Variants in ARPC2 observed in about 807,000 individuals in gnomAD.
ARPC2 encodes actin related protein 2/3 complex subunit 2.
A neutral mutation model predicts 38.6 loss-of-function variants in ARPC2; 4 were observed. The ratio of observed to expected loss-of-function variants is 0.10; its 90% CI spans 0.05 to 0.24. The LOEUF (loss-of-function observed/expected upper bound fraction) is 0.24, where lower values mean the gene tolerates loss of function less well. Among genes scored for constraint, ARPC2 ranks in the 10% least tolerant of loss-of-function variants. The pLI is 1.00. For missense variants in ARPC2, 229 were observed against 387.3 expected (o/e 0.59, Z 3.43); for synonymous variants, 125 against 140.8 (o/e 0.89, Z 0.79).
chr2:218,254,211 G>A lies in ARPC2; in HGVS notation c.*296G>A, dbSNP rs1014907293. The A allele has an allele frequency of 4.7e-5, 18 of 385,366 alleles. No individual in the cohort carries two copies. Among genetic ancestry groups the A allele is most frequent in the Non-Finnish European group, 6.1e-5 (13 of 213,624 alleles). The allele number at this position is 385,366 out of a possible 1,614,324, so 23.9% of individuals were successfully genotyped here. ...CCCACCCTCTTTTCCAAGCTGTTTC[G>A]CTTTGCAATATATTACTGGTAATGA... On this transcript the variant is annotated 3_prime_UTR_variant, in exon 11 of 11. Transcript: ENST00000315717.
chr2:218,239,765 G>C (rs1245426725), intron 7 of ARPC2, among the ~76,000 whole-genome samples: 1 of 150,866 alleles, frequency 6.6e-6, no homozygotes, highest in Non-Finnish European at 1.5e-5. Context: ...AGCTAATTTT[G>C]TATTTTTAGT....
intron 10 of ARPC2, 109 bp downstream of exon 10, chr2:218,250,030 T>A: frequency 4.2e-6 from 4 of 941,862 alleles, no homozygotes; most frequent in Non-Finnish European, 6.4e-6. Flanking sequence ...TGGCTACATA[T>A]GAGGTCAGCA....
intron 8 of ARPC2, 45 bp from the exon 9 acceptor site, chr2:218,249,319 A>G: frequency 7.1e-7 from 1 of 1,412,152 alleles, no homozygotes; most frequent in Non-Finnish European, 1.0e-6. Context: ...ACCCTTTGGC[A>G]TTTGTGTCGT....
chr2:218,236,526 C>T (rs932689488), intron 5 of ARPC2: 1 of 152,220 alleles, frequency 6.6e-6, no homozygotes, highest in Non-Finnish European at 1.5e-5. Flanking sequence ...GGCGCGGTGG[C>T]TTATGCCTGT....
Position 218,217,538 on chromosome 2 carries a change from C to A in ARPC2, c.68C>A (p.Ala23Asp). The change falls in exon 2 of 11, where the codon GCC (alanine) becomes GAC (aspartate). Residue 23 changes from alanine (A) to aspartate (D), a missense_variant. Physicochemically the swap from Ala to Asp is moderately radical, Grantham distance 126. Transcript: ENST00000315717. ...CTCGCGCTCAAGTTCGAGAACGCGGCCGCCGGGTGAGCGCGCGCCCGGGGC... is the reference window on the plus strand; with the variant it reads ...CTCGCGCTCAAGTTCGAGAACGCGGACGCCGGGTGAGCGCGCGCCCGGGGC... The part of the protein sequence containing the change: ...ETLALKFENA[A>D]AGNKPEAVEV... 11 of 1,612,180 alleles carry A rather than the reference C, an allele frequency of 6.8e-6. No individual in the cohort carries two copies. The highest frequency in any genetic ancestry group is 8.5e-6 in the Non-Finnish European group (10 of 1,179,142).
At position 218,217,516 on chromosome 2, in the gene ARPC2, G is replaced by C. The variant is rs748804018; in HGVS notation, c.46G>C (p.Ala16Pro). 1.2e-6 allele frequency: 2 copies of C among 1,613,746 alleles called. No individual in the cohort carries two copies. The highest frequency in any genetic ancestry group is 1.7e-6 in the Non-Finnish European group (2 of 1,179,848). ...CAACCGCATCATCGAGGAGACGCTC[G>C]CGCTCAAGTTCGAGAACGCGGCCGC... ...VNNRIIEETL[A>P]LKFENAAAGN... The change falls in exon 2 of 11, where the codon GCG becomes CCG. Residue 16 changes from alanine to proline, a missense_variant. This residue lies in a region of ARPC2 where 135 missense variants were observed against 214.1 expected (regional missense o/e 0.63). Transcript: ENST00000315717.
At chr2:218,217,422 C>G (rs1689277042) in intron 1 of ARPC2, 41 bp from the exon 2 acceptor site, 2 of 1,600,142 alleles carry the variant, frequency 1.2e-6, no homozygotes, top group East Asian at 4.5e-5. Context: ...CCTCCCTTAC[C>G]CACCCTCACC....
chr2:218,244,653 A>T (rs1408215634), intron 7 of ARPC2, among the ~76,000 whole-genome samples: 1 of 152,232 alleles, frequency 6.6e-6, no homozygotes, highest in Non-Finnish European at 1.5e-5. Flanking sequence ...TTTGTTGGAG[A>T]TGGTATTAGG....
At chr2:218,217,395 C>T in intron 1 of ARPC2, 68 bp from the exon 2 acceptor site, 2 of 1,480,682 alleles carry the variant, frequency 1.4e-6, no homozygotes, top group Non-Finnish European at 1.9e-6. Context: ...GCAGCAGGGC[C>T]GCTCCCTCCG....
In ARPC2 at chr2:218,228,759, A is replaced by G; in HGVS notation, c.131A>G (p.His44Arg). 1 of 1,604,120 alleles carries G rather than the reference A, an allele frequency of 6.2e-7. No individual in the cohort carries two copies. Among genetic ancestry groups the G allele is most frequent in the Non-Finnish European group, 8.5e-7 (1 of 1,171,156 alleles). Residue 44 changes from histidine (H) to arginine (R), a missense_variant, in exon 4 of 11, where the codon CAT becomes CGT. Coordinates refer to ENST00000315717, the MANE Select transcript of ARPC2 (RefSeq NM_152862.3). ...ACAGATTTCGATGGGGTCCTCTATC[A>G]TATTTCAAATCCTAATGGAGACAAA... Reference protein sequence around the residue: ...TFADFDGVLYHISNPNGDKTK... With the variant: ...TFADFDGVLYRISNPNGDKTK...
intron 7 of ARPC2, 91 bp downstream of exon 7, chr2:218,239,575 A>C: frequency 9.5e-7 from 1 of 1,055,662 alleles, no homozygotes; most frequent in Non-Finnish European, 1.4e-6. Context: ...GAGATCTAGC[A>C]ACTCTACTGA....
rs536839356 is a variant in ARPC2 at position 218,223,690 on chromosome 2, A to G, written c.75-2230A>G. 3.3e-5 allele frequency among the ~76,000 whole-genome samples: 5 copies of G among 152,316 alleles called. No homozygotes were observed. In the East Asian group the frequency reaches 7.7e-4, roughly 23 times the overall value. ...TGAGGCCCGGTGACATTTGAGGAGC[A>G]TTGCCTGTGGTCACATAGCCAATAA... On this transcript the variant is annotated intron_variant, in intron 2 of 10. Transcript: ENST00000315717.
intron 3 of ARPC2, among the ~76,000 whole-genome samples, 183 bp from the exon 4 acceptor site, chr2:218,228,555 A>G (rs2063711): frequency 0.91 from 138,664 of 152,300 alleles, 64,420 homozygotes; most frequent in East Asian, 1. Context: ...GCAAAGAAAC[A>G]AGTGCTCAGC....
intron 2 of ARPC2, among the ~76,000 whole-genome samples, chr2:218,222,218 G>A (rs1689398451): frequency 6.6e-6 from 1 of 152,100 alleles, no homozygotes; most frequent in Non-Finnish European, 1.5e-5. Flanking sequence ...AGTGAGCAGA[G>A]GTGGCACCAC....
rs1023301127 is a variant in ARPC2, at chr2:218,226,100, G to A, written c.109+146G>A. On this transcript the variant is annotated intron_variant, in intron 3 of 10. Coordinates refer to ENST00000315717, the MANE Select transcript of ARPC2 (RefSeq NM_152862.3). ...ACCTGATGTCAAGAGTTAAAGAACA[G>A]CCTGGCAAACATGGTGAAACCCCCT... 2.1e-5 allele frequency: 16 copies of A among 771,432 alleles called. No individual in the cohort carries two copies. The South Asian group carries it at 2.1e-4, about 10-fold the overall frequency. 47.8% of individuals were successfully genotyped at this position (771,432 alleles called of 1,614,324 possible).
chr2:218,253,090 G>T (rs143936208), intron 10 of ARPC2: 5 of 424,844 alleles, frequency 1.2e-5, no homozygotes, highest in African/African-American at 6.2e-5. Flanking sequence ...TCGATGGGCC[G>T]CCCAGAATTG....
At chr2:218,239,300 A>G (rs1339907218) in intron 6 of ARPC2, 91 bp from the exon 7 acceptor site, 5 of 877,030 alleles carry the variant, frequency 5.7e-6, no homozygotes, top group African/African-American at 1.7e-5. Flanking sequence ...GAGATTTATG[A>G]CTTTAGCCTT....
intron 4 of ARPC2, among the ~76,000 whole-genome samples, chr2:218,230,287 C>CTTTT (rs768585570): frequency 0.019 from 1,400 of 73,010 alleles, 38 homozygotes; most frequent in Non-Finnish European, 0.023. Context: ...TTTTTTTTTT[C>CTTTT]TTTTTTTTTT....
At chr2:218,232,900 T>C (rs572924817) in intron 4 of ARPC2, 6 of 150,730 alleles carry the variant, frequency 4.0e-5, no homozygotes. Flanking sequence ...TAACAGCCCC[T>C]CTTGTGAATA....
Sources: gnomAD v4.1 joint callset for allele counts (sites outside exome capture counted in the v4.1 genomes callset) on GRCh38, gnomAD v4.1.1 for gene constraint, gnomAD v4.1.1 regional missense constraint, MANE v1.5 for transcripts, NCBI Gene and HGNC (gene_info 2026-07-23, HGNC 2026-07-21) for gene names.